LRRC4C: variants seen among roughly 807,000 people sequenced by gnomAD.
LRRC4C encodes leucine rich repeat containing 4C.
Under a neutral mutation model 33.6 loss-of-function variants are expected in LRRC4C, and 5 were observed. The observed-to-expected ratio is 0.15, with a 90% CI of 0.08 to 0.31. The LOEUF (loss-of-function observed/expected upper bound fraction) is 0.31, where lower values mean the gene tolerates loss of function less well. Ranked by LOEUF, LRRC4C falls within the 10% of genes least tolerant of loss-of-function variation. The pLI, the probability that LRRC4C is intolerant of heterozygous loss-of-function variation, is 1.00. For synonymous variants in LRRC4C, 329 were observed against 302.0 expected (o/e 1.09, Z -0.93); for missense variants, 560 against 796.7 (o/e 0.70, Z 3.58).
At chr11:40,182,408 A>T (rs898084584) in intron 5 of LRRC4C, among the ~76,000 whole-genome samples, 1 of 152,148 alleles carries the variant, frequency 6.6e-6, no homozygotes, top group Non-Finnish European at 1.5e-5. Context: ...ACATAAACAT[A>T]AAAAAAGAGT....
At chr11:41,325,911 T>C (rs963465787) in intron 1 of LRRC4C, among the ~76,000 whole-genome samples, 1 of 152,142 alleles carries the variant, frequency 6.6e-6, no homozygotes, top group African/African-American at 2.4e-5. Flanking sequence ...TATTAGGTAC[T>C]GGGCTTAATA....
At chr11:40,608,793 A>C (rs1006277349) in intron 3 of LRRC4C, among the ~76,000 whole-genome samples, 2 of 152,162 alleles carry the variant, frequency 1.3e-5, no homozygotes, top group East Asian at 3.9e-4. Flanking sequence ...GCTACATCAA[A>C]GAAAAGAGAC....
intron 1 of LRRC4C, chr11:41,122,932 TTG>T (rs1942516622): frequency 6.6e-6 from 1 of 152,152 alleles, no homozygotes; most frequent in African/African-American, 2.4e-5. Context: ...CTTAAAAAAT[TTG>T]TGTGTCATCC....
chr11:40,978,653 G>A (rs1455230735), intron 1 of LRRC4C, among the ~76,000 whole-genome samples: 52 of 142,420 alleles, frequency 3.7e-4, no homozygotes, highest in African/African-American at 1.2e-3. Flanking sequence ...ATGGAGTCTC[G>A]CTCTGTTGCC....
intron 2 of LRRC4C, among the ~76,000 whole-genome samples, chr11:40,852,932 A>C (rs568841987): frequency 1.3e-5 from 2 of 152,334 alleles, no homozygotes; most frequent in South Asian, 4.1e-4. Context: ...AGATGTCTTA[A>C]AGGTGATGGA....
At chr11:40,208,890 G>A (rs1032796372) in intron 5 of LRRC4C, among the ~76,000 whole-genome samples, 2 of 151,770 alleles carry the variant, frequency 1.3e-5, no homozygotes, top group African/African-American at 4.8e-5. Flanking sequence ...AGCCAAGGGG[G>A]ATGGTATTTA....
chr11:40,799,965 C>T (rs1950977729), intron 2 of LRRC4C, among the ~76,000 whole-genome samples: 1 of 151,898 alleles, frequency 6.6e-6, no homozygotes, highest in Non-Finnish European at 1.5e-5. Context: ...TCAGGTAACA[C>T]ACATTAAAAG....
chr11:40,147,555 T>C (rs1857844283), intron 5 of LRRC4C, among the ~76,000 whole-genome samples: 1 of 152,046 alleles, frequency 6.6e-6, no homozygotes, highest in African/African-American at 2.4e-5. Context: ...CAGAGACTGT[T>C]CTAGACACTG....
intron 1 of LRRC4C, among the ~76,000 whole-genome samples, chr11:40,977,261 C>A (rs1852152649): frequency 6.6e-6 from 1 of 152,130 alleles, no homozygotes; most frequent in Admixed American, 6.6e-5. Flanking sequence ...CGGCCTGGTT[C>A]CTAACAGGCC....
intron 1 of LRRC4C, among the ~76,000 whole-genome samples, chr11:41,188,306 C>T (rs954516746): frequency 1.6e-4 from 24 of 152,040 alleles, no homozygotes; most frequent in Non-Finnish European, 5.9e-5. Context: ...TTTTTAGTTG[C>T]TTTTCTATGT....
At chr11:41,292,703 T>C (rs967436877) in intron 1 of LRRC4C, among the ~76,000 whole-genome samples, 1 of 152,156 alleles carries the variant, frequency 6.6e-6, no homozygotes, top group African/African-American at 2.4e-5. Context: ...CAGTAACATA[T>C]TGCAGCTTAT....
chr11:41,435,646 C>T (rs79650335), intron 1 of LRRC4C, among the ~76,000 whole-genome samples: 3,029 of 152,244 alleles, frequency 0.02, 102 homozygotes, highest in African/African-American at 0.07. Flanking sequence ...TTCACATGCT[C>T]ACATGAGAAT....
chr11:41,391,673 G>A (rs1409782386), intron 1 of LRRC4C, among the ~76,000 whole-genome samples: 1 of 151,800 alleles, frequency 6.6e-6, no homozygotes, highest in Non-Finnish European at 1.5e-5. Context: ...AACCCAAGGT[G>A]CAAGATCAGT....
chr11:41,123,036 G>C (rs979958711), intron 1 of LRRC4C: 1 of 152,116 alleles, frequency 6.6e-6, no homozygotes, highest in South Asian at 2.1e-4. Flanking sequence ...TTTCCTAGCA[G>C]TCTTGAGTAT....
At chr11:40,413,815 T>C (rs1950232331) in intron 3 of LRRC4C, among the ~76,000 whole-genome samples, 1 of 152,120 alleles carries the variant, frequency 6.6e-6, no homozygotes, top group African/African-American at 2.4e-5. Flanking sequence ...ATGTTCGTCT[T>C]CTTTATCATG....
At chr11:40,723,929 T>C (rs1947157379) in intron 2 of LRRC4C, among the ~76,000 whole-genome samples, 1 of 151,228 alleles carries the variant, frequency 6.6e-6, no homozygotes, top group Non-Finnish European at 1.5e-5. Flanking sequence ...ACAATGCAAA[T>C]GGAAAATTTT....
chr11:40,142,268 A>G (rs1857419142), intron 5 of LRRC4C, among the ~76,000 whole-genome samples: 1 of 96,596 alleles, frequency 1.0e-5, no homozygotes, highest in Non-Finnish European at 2.0e-5. Context: ...ACACAGTGAG[A>G]TTCTGTCTCA....
At chr11:41,382,031 G>A (rs1953176472) in intron 1 of LRRC4C, among the ~76,000 whole-genome samples, 1 of 151,788 alleles carries the variant, frequency 6.6e-6, no homozygotes, top group Admixed American at 6.6e-5. Flanking sequence ...TCCAGAATAG[G>A]AAAGCTGTTA....
intron 3 of LRRC4C, among the ~76,000 whole-genome samples, chr11:40,606,736 T>C (rs1476269372): frequency 6.6e-6 from 1 of 151,840 alleles, no homozygotes; most frequent in Non-Finnish European, 1.5e-5. Flanking sequence ...AACGAAAAAC[T>C]TATTTGTGGG....
Sources: gnomAD v4.1 joint callset for allele counts (sites outside exome capture counted in the v4.1 genomes callset) on GRCh38, gnomAD v4.1.1 for gene constraint, MANE v1.5 for transcripts, NCBI Gene and HGNC (gene_info 2026-07-23, HGNC 2026-07-21) for gene names.